The following XRCC5 variants were observed in gnomAD, a reference collection of about 807,000 sequenced individuals.
The protein encoded by XRCC5 is DNA repair protein Ku80.
XRCC5 carries 12 observed loss-of-function variants against 95.7 expected under a neutral mutation model. That is an observed-to-expected ratio of 0.13 (90% CI 0.08 to 0.20). The LOEUF is 0.20. Among genes scored for constraint, XRCC5 ranks in the 10% least tolerant of loss-of-function variants. The pLI, the probability that XRCC5 is intolerant of heterozygous loss-of-function variation, is 1.00. For synonymous variants in XRCC5, 281 were observed against 290.3 expected (o/e 0.97, Z 0.33); for missense variants, 595 against 873.9 (o/e 0.68, Z 4.02).
In XRCC5 at chr2:216,205,379, A is replaced by G. The variant is rs1405010494; in HGVS notation, c.*177A>G. 1 of 689,414 alleles carries G rather than the reference A, an allele frequency of 1.5e-6. No homozygotes were observed. Among genetic ancestry groups the G allele is most frequent in the Non-Finnish European group, 2.6e-6 (1 of 389,654 alleles). 42.7% of individuals were successfully genotyped at this position (689,414 alleles called of 1,614,324 possible). Reference sequence around the variant, plus strand: ...GAATGAATACACACATATATATTACAAGGGATAATTTAGACCCCATACAAG... The same window carrying G: ...GAATGAATACACACATATATATTACGAGGGATAATTTAGACCCCATACAAG... On this transcript the variant is annotated 3_prime_UTR_variant, in exon 21 of 21. Transcript: ENST00000392132.
At chr2:216,114,521 C>G (rs888523159) in intron 2 of XRCC5, among the ~76,000 whole-genome samples, 2 of 151,698 alleles carry the variant, frequency 1.3e-5, no homozygotes, top group Non-Finnish European at 2.9e-5. Flanking sequence ...GAGAGAGGGC[C>G]CCCGAGAATG....
intron 16 of XRCC5, among the ~76,000 whole-genome samples, chr2:216,164,224 A>G (rs552003618): frequency 3.4e-4 from 51 of 152,194 alleles, no homozygotes; most frequent in Admixed American, 8.5e-4. Context: ...CCTAGCTTTC[A>G]ATTGTATGTC....
chr2:216,175,010 T>C, intron 16 of XRCC5: 2 of 304,744 alleles, frequency 6.6e-6, no homozygotes, highest in Non-Finnish European at 1.3e-5. Context: ...GGTTCATAAT[T>C]TGATTGTTTT....
At chr2:216,132,294 G>A in intron 9 of XRCC5, 31 bp from the exon 10 acceptor site, 1 of 1,605,786 alleles carries the variant, frequency 6.2e-7, no homozygotes, top group Non-Finnish European at 8.5e-7. Flanking sequence ...ACTTATTTTG[G>A]ATCAAAAGCA....
chr2:216,162,009 C>T lies in XRCC5; in HGVS notation c.1795C>T (p.Arg599Cys), dbSNP rs754377273. ...AAGTGTGAATCCTGCTGAAAACTTCCGTGTTCTAGTGAAACAGAAGAAGGC... is the reference window on the plus strand; with the variant it reads ...AAGTGTGAATCCTGCTGAAAACTTCTGTGTTCTAGTGAAACAGAAGAAGGC... The part of the protein sequence containing the change: ...VGSVNPAENF[R>C]VLVKQKKASF... The change falls in exon 16 of 21, where the codon CGT becomes TGT. Residue 599 changes from arginine to cysteine, a missense_variant. This residue lies in a region of XRCC5 where 309 missense variants were observed against 382.9 expected (regional missense o/e 0.81). Coordinates refer to ENST00000392132, the MANE Select transcript of XRCC5 (RefSeq NM_021141.4). 48 of 1,613,964 alleles carry T rather than the reference C, an allele frequency of 3.0e-5. No individual in the cohort carries two copies. The highest frequency in any genetic ancestry group is 3.3e-4 in the Middle Eastern group (2 of 6,084).
At chr2:216,117,939 C>A in intron 4 of XRCC5, 145 bp downstream of exon 4, 1 of 804,194 alleles carries the variant, frequency 1.2e-6, no homozygotes, top group Non-Finnish European at 2.0e-6. Flanking sequence ...TTGAATGGTT[C>A]AGTCCAACCT....
intron 13 of XRCC5, among the ~76,000 whole-genome samples, chr2:216,144,235 T>C (rs1688576676): frequency 6.6e-6 from 1 of 152,056 alleles, no homozygotes; most frequent in Non-Finnish European, 1.5e-5. Flanking sequence ...CCATGCAAAA[T>C]AAATAACATG....
chr2:216,169,631 A>C (rs1053275445), intron 16 of XRCC5, among the ~76,000 whole-genome samples: 24 of 152,282 alleles, frequency 1.6e-4, no homozygotes, highest in African/African-American at 5.8e-4. Context: ...GGTGCGACTT[A>C]ACCCTTGCCT....
chr2:216,157,877 G>A lies in XRCC5; in HGVS notation c.1671-2191G>A, dbSNP rs140062846. Among the ~76,000 whole-genome samples the A allele has an allele frequency of 7.9e-3, 1,209 of 152,202 alleles. 9 individuals carry two copies. The highest frequency in any genetic ancestry group is 0.027 in the African/African-American group (1,126 of 41,524). On this transcript the variant is annotated intron_variant, in intron 14 of 20. Transcript: ENST00000392132. ...AAATTTCTACTTTCTAGAGCTTAGC[G>A]CCTTCATAGATAATTTAGGGAAGAG... is the stretch of plus-strand genomic sequence containing the variant.
At chr2:216,116,110 T>C (rs573815688) in intron 2 of XRCC5, among the ~76,000 whole-genome samples, 1 of 152,354 alleles carries the variant, frequency 6.6e-6, no homozygotes, top group East Asian at 1.9e-4. Flanking sequence ...GTATAAATAT[T>C]CTGCAATGTA....
At chr2:216,187,522 T>TTTA (rs1027363536) in intron 16 of XRCC5, among the ~76,000 whole-genome samples, 2 of 110,756 alleles carry the variant, frequency 1.8e-5, no homozygotes, top group African/African-American at 6.4e-5. Context: ...GTGTGTGTGT[T>TTTA]CTATCATATT....
chr2:216,135,973 T>G (rs931591155), intron 10 of XRCC5, among the ~76,000 whole-genome samples: 2 of 152,132 alleles, frequency 1.3e-5, no homozygotes, highest in Admixed American at 1.3e-4. Flanking sequence ...GAACAGTTCA[T>G]ACTGAACAGT....
At position 216,117,954 on chromosome 2, in the gene XRCC5, GT is replaced by G. The variant is rs56060599; in HGVS notation, c.368+166del. On this transcript the variant is annotated intron_variant, in intron 4 of 20. Transcript: ENST00000392132. Reference sequence around the variant, plus strand: ...TTGAATGGTTCAGTCCAACCTCTCTGTTTTTTAAAAGTTTTAAAAGGGGAAG... The same window carrying G: ...TTGAATGGTTCAGTCCAACCTCTCTGTTTTTAAAAGTTTTAAAAGGGGAAG... Among the ~76,000 whole-genome samples the G allele has an allele frequency of 3.5e-4, 54 of 152,204 alleles. No homozygotes were observed. The East Asian group carries it at 8.7e-3, about 24-fold the overall frequency.
chr2:216,151,526 G>A (rs189461115), intron 14 of XRCC5, among the ~76,000 whole-genome samples: 1 of 152,268 alleles, frequency 6.6e-6, no homozygotes, highest in East Asian at 1.9e-4. Flanking sequence ...GCCAATATGA[G>A]TCAGACCCCT....
At chr2:216,129,483 T>A (rs1696948004) in intron 8 of XRCC5, among the ~76,000 whole-genome samples, 1 of 152,202 alleles carries the variant, frequency 6.6e-6, no homozygotes, top group African/African-American at 2.4e-5. Context: ...TGAAACAGTT[T>A]TAGTTAGAAT....
chr2:216,166,323 T>C (rs1023640945), intron 16 of XRCC5, among the ~76,000 whole-genome samples: 1 of 152,122 alleles, frequency 6.6e-6, no homozygotes, highest in Non-Finnish European at 1.5e-5. Flanking sequence ...GGTTTCGCCA[T>C]GTTATCCAGG....
At chr2:216,199,460 C>A (rs1689793516) in intron 19 of XRCC5, among the ~76,000 whole-genome samples, 1 of 152,140 alleles carries the variant, frequency 6.6e-6, no homozygotes, top group South Asian at 2.1e-4. Flanking sequence ...TTTTAAGTTT[C>A]CTGGTACCTC....
intron 5 of XRCC5, 145 bp downstream of exon 5, chr2:216,119,310 A>G (rs1248809259): frequency 4.8e-6 from 4 of 835,208 alleles, no homozygotes; most frequent in Middle Eastern, 3.5e-4. Flanking sequence ...CTACTCAGCA[A>G]ACATTTGCTG....
intron 5 of XRCC5, among the ~76,000 whole-genome samples, chr2:216,119,554 A>G (rs1236172296): frequency 6.6e-6 from 1 of 152,164 alleles, no homozygotes; most frequent in Non-Finnish European, 1.5e-5. Flanking sequence ...ACAGCTCTAG[A>G]GAACTGTGTC....
Sources: gnomAD v4.1 joint callset for allele counts (sites outside exome capture counted in the v4.1 genomes callset) on GRCh38, gnomAD v4.1.1 for gene constraint, gnomAD v4.1.1 regional missense constraint, MANE v1.5 for transcripts, NCBI Gene and HGNC (gene_info 2026-07-23, HGNC 2026-07-21) for gene names.